Variants in NRG1 observed in about 807,000 individuals in gnomAD.
The protein encoded by NRG1 is pro-neuregulin-1, membrane-bound isoform.
Under a neutral mutation model 63.8 loss-of-function variants are expected in NRG1, and 18 were observed. That is an observed-to-expected ratio of 0.28 (90% CI 0.19 to 0.42). NRG1 has a LOEUF of 0.42. NRG1 is among the 10% of genes least tolerant of loss of function. NRG1 has a pLI of 1.00. For missense variants in NRG1, 762 were observed against 814.7 expected, an observed-to-expected ratio of 0.94 and a Z score of 0.79; for synonymous variants, 302 against 301.3, an observed-to-expected ratio of 1.00 and a Z score of -0.02.
chr8:32,171,114 G>C (rs1839980086), intron 1 of NRG1, among the ~76,000 whole-genome samples: 1 of 152,040 alleles, frequency 6.6e-6, no homozygotes, highest in South Asian at 2.1e-4. Context: ...TATTTTTTCT[G>C]TGTGTGTGTA....
chr8:31,712,012 C>T (rs954447623), intron 1 of NRG1, among the ~76,000 whole-genome samples: 1 of 152,140 alleles, frequency 6.6e-6, no homozygotes, highest in African/African-American at 2.4e-5. Context: ...AAATAGCACA[C>T]TCCAAATACG....
intron 1 of NRG1, among the ~76,000 whole-genome samples, chr8:32,263,666 A>T (rs1406882915): frequency 6.6e-6 from 1 of 152,192 alleles, no homozygotes; most frequent in Non-Finnish European, 1.5e-5. Context: ...CTTTTTAAAA[A>T]AATATTTTCC....
intron 1 of NRG1, among the ~76,000 whole-genome samples, chr8:32,179,710 T>C (rs1358331346): frequency 1.3e-5 from 2 of 152,208 alleles, no homozygotes; most frequent in Non-Finnish European, 2.9e-5. Context: ...TGGTGTCTAC[T>C]AGCCAAGACT....
At chr8:32,601,669 A>G (rs1431288084) in intron 2 of NRG1, among the ~76,000 whole-genome samples, 2 of 152,020 alleles carry the variant, frequency 1.3e-5, no homozygotes, top group African/African-American at 4.8e-5. Context: ...TCTAGTGATA[A>G]GATTTCTAGG....
intron 1 of NRG1, among the ~76,000 whole-genome samples, chr8:31,721,951 G>C (rs1387497963): frequency 1.3e-5 from 2 of 152,036 alleles, no homozygotes; most frequent in Non-Finnish European, 2.9e-5. Context: ...ATTGCTGCAA[G>C]AGACTACCAA....
chr8:32,760,561 T>C, intron 11 of NRG1, 155 bp downstream of exon 11: 1 of 1,442,874 alleles, frequency 6.9e-7, no homozygotes, highest in Non-Finnish European at 9.1e-7. Flanking sequence ...AGTCATCTCT[T>C]TGTTTGACGG....
At chr8:32,077,129 G>C (rs139138541) in intron 1 of NRG1, among the ~76,000 whole-genome samples, 2 of 152,338 alleles carry the variant, frequency 1.3e-5, no homozygotes, top group Non-Finnish European at 2.9e-5. Flanking sequence ...CACTTTGGGA[G>C]GCTGAGGCAG....
intron 1 of NRG1, among the ~76,000 whole-genome samples, chr8:32,028,526 A>G (rs576365440): frequency 5.3e-5 from 8 of 152,264 alleles, no homozygotes; most frequent in African/African-American, 1.9e-4. Flanking sequence ...TTTTTCCAAG[A>G]CCATTTCAGG....
At chr8:31,825,767 T>C (rs992786372) in intron 1 of NRG1, among the ~76,000 whole-genome samples, 1 of 152,222 alleles carries the variant, frequency 6.6e-6, no homozygotes, top group Non-Finnish European at 1.5e-5. Context: ...CCATTACATT[T>C]AGAGGCACCC....
intron 1 of NRG1, among the ~76,000 whole-genome samples, chr8:32,179,122 G>A (rs1411136943): frequency 6.9e-6 from 1 of 145,512 alleles, no homozygotes; most frequent in Non-Finnish European, 1.5e-5. Context: ...GCAGAGGAAT[G>A]AGCTGCTCTG....
At chr8:32,754,385 G>A (rs1414079264) in exon 8 of NRG1, 1 of 1,613,754 alleles carries the variant, frequency 6.2e-7, no homozygotes. Context: ...CGGAGGAGCT[G>A]TACCAGAAGA....
chr8:32,590,313 G>A (rs982570676), intron 1 of NRG1, among the ~76,000 whole-genome samples: 5 of 152,118 alleles, frequency 3.3e-5, no homozygotes, highest in African/African-American at 9.7e-5. Flanking sequence ...CTTAAAACTT[G>A]CTCTGTTATT....
chr8:31,874,759 C>T (rs1829772887), intron 1 of NRG1, among the ~76,000 whole-genome samples: 1 of 151,884 alleles, frequency 6.6e-6, no homozygotes, highest in African/African-American at 2.4e-5. Context: ...CCAACCCTCC[C>T]ACTATCCTTC....
At chr8:31,899,978 T>G (rs1474889925) in intron 1 of NRG1, among the ~76,000 whole-genome samples, 1 of 152,236 alleles carries the variant, frequency 6.6e-6, no homozygotes, top group Admixed American at 6.5e-5. Context: ...TTATGTACTT[T>G]GTAAATATTT....
At chr8:31,662,431 C>A (rs1252944428) in intron 1 of NRG1, among the ~76,000 whole-genome samples, 3 of 152,190 alleles carry the variant, frequency 2.0e-5, no homozygotes, top group Non-Finnish European at 4.4e-5. Flanking sequence ...TAGTTCCCAG[C>A]ATTATTTTAA....
intron 1 of NRG1, among the ~76,000 whole-genome samples, chr8:32,459,181 C>T (rs1354717341): frequency 6.6e-6 from 1 of 152,194 alleles, no homozygotes; most frequent in Non-Finnish European, 1.5e-5. Flanking sequence ...ACCAGCTCTT[C>T]TGGTCTTGCC....
intron 1 of NRG1, among the ~76,000 whole-genome samples, chr8:31,939,529 G>A (rs1376154910): frequency 6.6e-6 from 1 of 150,860 alleles, no homozygotes; most frequent in Non-Finnish European, 1.5e-5. Flanking sequence ...ACTTATTCAG[G>A]CAACAAATAG....
chr8:32,236,338 C>G (rs1342766072), intron 1 of NRG1, among the ~76,000 whole-genome samples: 1 of 152,098 alleles, frequency 6.6e-6, no homozygotes, highest in East Asian at 1.9e-4. Flanking sequence ...AATTCCTTTC[C>G]TCTACTCCCT....
At chr8:32,445,252 T>A (rs2129487696) in intron 1 of NRG1, among the ~76,000 whole-genome samples, 1 of 152,308 alleles carries the variant, frequency 6.6e-6, no homozygotes, top group Non-Finnish European at 1.5e-5. Flanking sequence ...GTTGTATAAA[T>A]GCTATAGAAA....
Sources: gnomAD v4.1 joint callset for allele counts (sites outside exome capture counted in the v4.1 genomes callset) on GRCh38, gnomAD v4.1.1 for gene constraint, MANE v1.5 for transcripts, NCBI Gene and HGNC (gene_info 2026-07-23, HGNC 2026-07-21) for gene names.